Variants in TRIP13 observed in about 807,000 individuals in gnomAD.
TRIP13 encodes pachytene checkpoint protein 2 homolog.
A neutral mutation model predicts 54.4 loss-of-function variants in TRIP13; 25 were observed. The observed-to-expected ratio is 0.46, with a 90% CI of 0.33 to 0.64. TRIP13 has a LOEUF of 0.64. TRIP13 is among the 30% of genes least tolerant of loss of function. TRIP13 has a pLI of 0.02. For missense variants in TRIP13, 373 were observed against 534.2 expected (o/e 0.70, Z 2.97); for synonymous variants, 207 against 207.8 (o/e 1.00, Z 0.03).
In TRIP13 at chr5:917,106, CT is replaced by C; in HGVS notation, c.*4del. 2 of 1,613,784 alleles carry C rather than the reference CT, an allele frequency of 1.2e-6. No homozygotes were observed. Among genetic ancestry groups the C allele is most frequent in the Non-Finnish European group, 1.7e-6 (2 of 1,179,904 alleles). On this transcript the variant is annotated 3_prime_UTR_variant, in exon 13 of 13. Coordinates refer to ENST00000166345, the MANE Select transcript of TRIP13 (RefSeq NM_004237.4). ...AGAAGCTTGCAGCTTACATCTGATC[CT>C]GGGCTTCCCCATCTGGTGCTTTTCC...
At chr5:896,874 G>A (rs1753928706) in intron 3 of TRIP13, 80 bp downstream of exon 3, 6 of 1,441,664 alleles carry the variant, frequency 4.2e-6, no homozygotes, top group East Asian at 2.4e-5. Flanking sequence ...TCACAGGGGG[G>A]GTTCTGTTTG....
chr5:905,013 T>A (rs1754084330), intron 6 of TRIP13, among the ~76,000 whole-genome samples: 1 of 152,230 alleles, frequency 6.6e-6, no homozygotes, highest in South Asian at 2.1e-4. Flanking sequence ...GCATGTTAGG[T>A]AGTGTTTGAT....
Position 894,782 on chromosome 5 carries a change from T to C in TRIP13, c.93-5T>C. On this transcript the variant is annotated splice_polypyrimidine_tract_variant and splice_region_variant and intron_variant, in intron 1 of 12. Transcript: ENST00000166345. ...ATTTATGTGTGTTTTGGCTTCTTTTTTTAGCACTGCAAAGAAAGAAGACAT... is the reference window on the plus strand; with the variant it reads ...ATTTATGTGTGTTTTGGCTTCTTTTCTTAGCACTGCAAAGAAAGAAGACAT... 1 of 1,591,078 alleles carries C rather than the reference T, an allele frequency of 6.3e-7. No homozygotes were observed. Among genetic ancestry groups the C allele is most frequent in the South Asian group, 1.2e-5 (1 of 86,094 alleles).
rs984159247 is a variant in TRIP13, at chr5:915,508, C to T, written c.1134-396C>T. On this transcript the variant is annotated intron_variant, in intron 11 of 12. Coordinates refer to ENST00000166345, the MANE Select transcript of TRIP13 (RefSeq NM_004237.4). The surrounding 1 kb of genome is among the most constrained non-coding windows in gnomAD (Gnocchi z 4.2). ...ATGCTGGCCCTGGGGCAGAGGCTCC[C>T]GGGCAGGTGATGCATTCCCTGAGCG... 1.3e-5 allele frequency among the ~76,000 whole-genome samples: 2 copies of T among 149,856 alleles called. No homozygotes were observed. Among genetic ancestry groups the T allele is most frequent in the East Asian group, 1.9e-4 (1 of 5,140 alleles).
intron 1 of TRIP13, 76 bp downstream of exon 1, chr5:893,166 C>G: frequency 7.3e-7 from 1 of 1,373,284 alleles, no homozygotes; most frequent in South Asian, 1.3e-5. Context: ...AGCCCCGACC[C>G]CAGCGCACTG....
rs139723586 is a variant in TRIP13, at chr5:906,515, A to G, written c.609-615A>G. On this transcript the variant is annotated intron_variant, in intron 6 of 12. Transcript: ENST00000166345. ...ATGCCAGTGATGCTTCTTGAACGTA[A>G]TTCTTTTTCTTTTGTGGACTTTTGA... Among the ~76,000 whole-genome samples the G allele has an allele frequency of 8.6e-3, 1,311 of 152,198 alleles. 24 individuals carry two copies. The highest frequency in any genetic ancestry group is 0.03 in the African/African-American group (1,230 of 41,508).
chr5:913,679 G>A lies in TRIP13; in HGVS notation c.1021-786G>A, dbSNP rs148604870. Among the ~76,000 whole-genome samples the A allele has an allele frequency of 7.6e-4, 116 of 152,214 alleles. 1 individual carries two copies. Among genetic ancestry groups the A allele is most frequent in the African/African-American group, 2.7e-3 (111 of 41,522 alleles). ...TGATAGGGGTAGTTTCTTATTTTAG[G>A]CAGTTTATATGAAATTAAGACATGC... is the stretch of plus-strand genomic sequence containing the variant. On this transcript the variant is annotated intron_variant, in intron 10 of 12. Coordinates refer to ENST00000166345, the MANE Select transcript of TRIP13 (RefSeq NM_004237.4). The surrounding 1 kb of genome is among the most constrained non-coding windows in gnomAD (Gnocchi z 4.5).
rs750713567 is a variant in TRIP13, at chr5:915,913, G to A, written c.1143G>A (p.Glu381=). Reference sequence around the variant, plus strand: ...GGTTTTCTTTACACAGGAAGAGCGAGGGCCTCAGCGGCCGGGTCCTGAGAA... The same window carrying A: ...GGTTTTCTTTACACAGGAAGAGCGAAGGCCTCAGCGGCCGGGTCCTGAGAA... ...LLLNDISRKS[E]GLSGRVLRKL... The change falls in exon 12 of 13, where the codon GAG becomes GAA. Residue 381 remains glutamate (E), a synonymous_variant. Transcript: ENST00000166345. The surrounding 1 kb of genome is among the most constrained non-coding windows in gnomAD (Gnocchi z 4.2). 9 of 1,613,992 alleles carry A rather than the reference G, an allele frequency of 5.6e-6. No individual in the cohort carries two copies. In the East Asian group the frequency reaches 1.8e-4, roughly 32 times the overall value.
At position 907,877 on chromosome 5, in the gene TRIP13, A is replaced by G; in HGVS notation, c.673-111A>G. ...GGGAGCTTTCTGAGGGGCCGTCAGG[A>G]GACAGTGGGCTTGTGGGGACAACTG... On this transcript the variant is annotated intron_variant, in intron 7 of 12. Transcript: ENST00000166345. This position sits in a 1 kb window ranked among gnomAD's most constrained non-coding sequence, Gnocchi z 4.1. The G allele has an allele frequency of 2.8e-6, 3 of 1,074,082 alleles. No individual in the cohort carries two copies. The highest frequency in any genetic ancestry group is 4.3e-6 in the Non-Finnish European group (3 of 701,886). 66.5% of individuals were successfully genotyped at this position (1,074,082 alleles called of 1,614,324 possible).
chr5:903,480 A>G (rs531783073), intron 5 of TRIP13, among the ~76,000 whole-genome samples: 1 of 152,278 alleles, frequency 6.6e-6, no homozygotes, highest in East Asian at 1.9e-4. Flanking sequence ...TCTAAGATCT[A>G]TATCTAGTAT....
At chr5:905,280 C>G (rs907707182) in intron 6 of TRIP13, among the ~76,000 whole-genome samples, 2 of 152,152 alleles carry the variant, frequency 1.3e-5, no homozygotes, top group African/African-American at 4.8e-5. Flanking sequence ...CTCCTCTCAG[C>G]CTGTGTGAGG....
intron 3 of TRIP13, among the ~76,000 whole-genome samples, chr5:897,091 A>G (rs1327321306): frequency 6.6e-6 from 1 of 152,050 alleles, no homozygotes; most frequent in African/African-American, 2.4e-5. Context: ...TGTCTGCTTG[A>G]TGCTTCTCCG....
At position 907,871 on chromosome 5, in the gene TRIP13, G is replaced by A. The variant is rs974355651; in HGVS notation, c.673-117G>A. ...GATTTAGGGAGCTTTCTGAGGGGCC[G>A]TCAGGAGACAGTGGGCTTGTGGGGA... On this transcript the variant is annotated intron_variant, in intron 7 of 12. Coordinates refer to ENST00000166345, the MANE Select transcript of TRIP13 (RefSeq NM_004237.4). This position sits in a 1 kb window ranked among gnomAD's most constrained non-coding sequence, Gnocchi z 4.1. The A allele has an allele frequency of 2.5e-5, 25 of 1,017,416 alleles. No homozygotes were observed. Among genetic ancestry groups the A allele is most frequent in the East Asian group, 1.4e-4 (6 of 41,742 alleles). The allele number at this position is 1,017,416 out of a possible 1,614,324, so 63.0% of individuals were successfully genotyped here. A position where few individuals can be genotyped will look rare whatever the true frequency, so the allele number is the denominator to read the frequency against.
rs942073692 is a variant in TRIP13, at chr5:912,585, C to T, written c.1020+589C>T. On this transcript the variant is annotated intron_variant, in intron 10 of 12. Transcript: ENST00000166345. This position sits in a 1 kb window ranked among gnomAD's most constrained non-coding sequence, Gnocchi z 7.2. ...GAGTCAGGAGGGCCGTCGCCACGGG[C>T]ACAGTGACGTGCGGTGAGTGTGAGT... Among the ~76,000 whole-genome samples, 1 of 148,876 alleles carries T rather than the reference C, an allele frequency of 6.7e-6. No homozygotes were observed. Among genetic ancestry groups the T allele is most frequent in the African/African-American group, 2.5e-5 (1 of 40,350 alleles).
chr5:895,084 A>G (rs1485887127), intron 2 of TRIP13, 132 bp downstream of exon 2: 5 of 1,002,906 alleles, frequency 5.0e-6, no homozygotes, highest in African/African-American at 4.9e-5. Context: ...TGGCTAGACA[A>G]GTTCTTTTCA....
At chr5:900,848 G>A (rs775007226) in intron 4 of TRIP13, among the ~76,000 whole-genome samples, 9 of 152,138 alleles carry the variant, frequency 5.9e-5, no homozygotes, top group African/African-American at 1.4e-4. Context: ...AGGAAAGGCC[G>A]GTGTGTCTTA....
In TRIP13 at chr5:908,551, G is replaced by A; in HGVS notation, c.866+90G>A. ...GATACTTGTGCAACCCTAGATCTTA[G>A]TGCCCAGCTCTTTCACCGGAAAGTG... On this transcript the variant is annotated intron_variant, in intron 9 of 12. Coordinates refer to ENST00000166345, the MANE Select transcript of TRIP13 (RefSeq NM_004237.4). This position sits in a 1 kb window ranked among gnomAD's most constrained non-coding sequence, Gnocchi z 5.2. 1 of 1,567,184 alleles carries A rather than the reference G, an allele frequency of 6.4e-7. No individual in the cohort carries two copies. The highest frequency in any genetic ancestry group is 8.7e-7 in the Non-Finnish European group (1 of 1,155,454).
At chr5:906,026 G>T (rs1036457331) in intron 6 of TRIP13, among the ~76,000 whole-genome samples, 1 of 152,090 alleles carries the variant, frequency 6.6e-6, no homozygotes, top group African/African-American at 2.4e-5. Flanking sequence ...GACCAGCCTG[G>T]CCAACATGGA....
rs111664850 is a variant in TRIP13 at position 893,510 on chromosome 5, G to C, written c.92+420G>C. 922 of 223,998 alleles carry C rather than the reference G, an allele frequency of 4.1e-3. 9 individuals carry two copies. Among genetic ancestry groups the C allele is most frequent in the African/African-American group, 0.02 (868 of 42,510 alleles). The allele number at this position is 223,998 out of a possible 1,614,324, so 13.9% of individuals were successfully genotyped here. A position where few individuals can be genotyped will look rare whatever the true frequency, so the allele number is the denominator to read the frequency against. ...CTGGGTGGTTATTCTTTGAGCCACT[G>C]CTTCTCAGACCCTTTAATTGTTCCC... On this transcript the variant is annotated intron_variant, in intron 1 of 12. Transcript: ENST00000166345.
Sources: gnomAD v4.1 joint callset for allele counts (sites outside exome capture counted in the v4.1 genomes callset) on GRCh38, gnomAD v4.1.1 for gene constraint, Gnocchi (gnomAD v3.1) non-coding constraint, MANE v1.5 for transcripts, NCBI Gene and HGNC (gene_info 2026-07-23, HGNC 2026-07-21) for gene names.